Variants in EPHA6 observed in about 807,000 individuals in gnomAD.
EPHA6 encodes EPH receptor A6, also known as ephrin type-A receptor 6.
A neutral mutation model predicts 112.0 loss-of-function variants in EPHA6; 50 were observed. That is an observed-to-expected ratio of 0.45 (90% CI 0.36 to 0.56). EPHA6 has a LOEUF of 0.56. EPHA6 is among the 20% of genes least tolerant of loss of function. The probability of loss-of-function intolerance (pLI) is 0.00; values close to 1 mark genes in which losing one functional copy is unlikely to be tolerated. For missense variants in EPHA6, 1,280 were observed against 1,417.4 expected, an observed-to-expected ratio of 0.90 and a Z score of 1.56; for synonymous variants, 529 against 490.7, an observed-to-expected ratio of 1.08 and a Z score of -1.03.
At chr3:97,279,630 G>A (rs1576832638) in intron 5 of EPHA6, among the ~76,000 whole-genome samples, 1 of 152,140 alleles carries the variant, frequency 6.6e-6, no homozygotes, top group East Asian at 1.9e-4. Flanking sequence ...ACGAAGCCAA[G>A]CAGAGAATCA....
chr3:97,207,812 A>G (rs1435414468), intron 3 of EPHA6, among the ~76,000 whole-genome samples: 1 of 152,156 alleles, frequency 6.6e-6, no homozygotes, highest in African/African-American at 2.4e-5. Flanking sequence ...GGTTCATGAA[A>G]TGCTAGAACT....
chr3:97,512,324 G>A (rs2092379880), intron 10 of EPHA6, among the ~76,000 whole-genome samples: 2 of 152,140 alleles, frequency 1.3e-5, no homozygotes, highest in East Asian at 3.9e-4. Flanking sequence ...AGTTTTATTT[G>A]TAAACTTTCA....
intron 3 of EPHA6, among the ~76,000 whole-genome samples, chr3:97,043,854 A>G (rs1299474628): frequency 6.6e-6 from 1 of 152,190 alleles, no homozygotes; most frequent in Non-Finnish European, 1.5e-5. Flanking sequence ...TATTGCTACA[A>G]GTGATTGACC....
intron 16 of EPHA6, among the ~76,000 whole-genome samples, chr3:97,736,622 T>C (rs2035275635): frequency 6.6e-6 from 1 of 151,794 alleles, no homozygotes; most frequent in African/African-American, 2.4e-5. Flanking sequence ...TTCCTGCTGA[T>C]ATGATCACAT....
At chr3:97,079,301 A>T (rs1483650431) in intron 3 of EPHA6, among the ~76,000 whole-genome samples, 1 of 152,156 alleles carries the variant, frequency 6.6e-6, no homozygotes, top group Non-Finnish European at 1.5e-5. Flanking sequence ...TTTTTCAGGG[A>T]CATGGATGGA....
chr3:96,947,983 A>G (rs1446553087), intron 2 of EPHA6, among the ~76,000 whole-genome samples: 2 of 152,266 alleles, frequency 1.3e-5, no homozygotes, highest in Non-Finnish European at 2.9e-5. Context: ...GCATCACGCT[A>G]CCTGACTTGA....
At chr3:96,945,824 T>A (rs1413290776) in intron 2 of EPHA6, among the ~76,000 whole-genome samples, 1 of 152,212 alleles carries the variant, frequency 6.6e-6, no homozygotes, top group Non-Finnish European at 1.5e-5. Context: ...TCGATGAGCC[T>A]ACATTGATAC....
chr3:97,203,524 G>A (rs1005770549), intron 3 of EPHA6, among the ~76,000 whole-genome samples: 3 of 152,052 alleles, frequency 2.0e-5, no homozygotes, highest in African/African-American at 4.8e-5. Flanking sequence ...AATAGTATAG[G>A]TAGTGCAGAT....
At chr3:97,141,700 A>T (rs2075908987) in intron 3 of EPHA6, among the ~76,000 whole-genome samples, 1 of 152,014 alleles carries the variant, frequency 6.6e-6, no homozygotes, top group African/African-American at 2.4e-5. Flanking sequence ...GAAGGTTTAT[A>T]GTGTAAAATG....
chr3:97,153,631 A>AT lies in EPHA6; in HGVS notation c.1115-72624dup, dbSNP rs997674077. 1.0e-3 allele frequency among the ~76,000 whole-genome samples: 152 copies of AT among 151,544 alleles called. 1 individual carries two copies. The highest frequency in any genetic ancestry group is 2.5e-4 in the Non-Finnish European group (17 of 67,810). On this transcript the variant is annotated intron_variant, in intron 3 of 17. Coordinates refer to ENST00000389672, the MANE Select transcript of EPHA6 (RefSeq NM_001080448.3). ...GACTAAAAAAACATAGTTACCTAAC[A>AT]TTTTTTTTTCCTTAAAACTTCTGGG...
chr3:97,420,643 A>G (rs951636640), intron 6 of EPHA6, among the ~76,000 whole-genome samples: 1 of 152,134 alleles, frequency 6.6e-6, no homozygotes, highest in Non-Finnish European at 1.5e-5. Flanking sequence ...ATCATTTCAA[A>G]CATATTCAAG....
chr3:97,356,946 A>G (rs544961810), intron 5 of EPHA6, among the ~76,000 whole-genome samples: 9 of 152,168 alleles, frequency 5.9e-5, no homozygotes, highest in African/African-American at 2.2e-4. Flanking sequence ...TGATTTATAT[A>G]TTTTGATGGT....
chr3:97,287,142 G>A (rs551100000), intron 5 of EPHA6, among the ~76,000 whole-genome samples: 1 of 152,196 alleles, frequency 6.6e-6, no homozygotes, highest in South Asian at 2.1e-4. Context: ...GAGTCTTTTG[G>A]TGGAGTGTTT....
chr3:97,442,556 C>T (rs544391180), intron 6 of EPHA6, among the ~76,000 whole-genome samples: 7 of 152,088 alleles, frequency 4.6e-5, no homozygotes, highest in South Asian at 4.1e-4. Flanking sequence ...GTTGACAGGA[C>T]GAGACTCTGC....
At chr3:97,089,012 C>T (rs753899191) in intron 3 of EPHA6, among the ~76,000 whole-genome samples, 2 of 152,092 alleles carry the variant, frequency 1.3e-5, no homozygotes, top group Non-Finnish European at 2.9e-5. Context: ...GCTTTAGGGC[C>T]GGAGCAGAGT....
intron 2 of EPHA6, among the ~76,000 whole-genome samples, chr3:96,889,482 A>T (rs1575935996): frequency 6.6e-6 from 1 of 152,158 alleles, no homozygotes; most frequent in African/African-American, 2.4e-5. Context: ...GGTGGTGGCA[A>T]GAGAGAATAA....
chr3:96,912,503 A>T (rs1251176665), intron 2 of EPHA6, among the ~76,000 whole-genome samples: 1 of 152,198 alleles, frequency 6.6e-6, no homozygotes, highest in Admixed American at 6.5e-5. Context: ...AGTTTAAGAA[A>T]GCTTTCTTAG....
chr3:97,696,045 T>C (rs1335202084), intron 14 of EPHA6, among the ~76,000 whole-genome samples: 1 of 152,250 alleles, frequency 6.6e-6, no homozygotes, highest in East Asian at 1.9e-4. Flanking sequence ...ATTTTTCACA[T>C]AACTTTCTAT....
chr3:96,986,301 G>T (rs1576257022), intron 2 of EPHA6, among the ~76,000 whole-genome samples: 1 of 152,112 alleles, frequency 6.6e-6, no homozygotes, highest in Non-Finnish European at 1.5e-5. Flanking sequence ...TAAACATACA[G>T]AAGTGAAAAT....
Sources: allele counts gnomAD v4.1 joint callset (sites outside exome capture counted in the v4.1 genomes callset), GRCh38; gene constraint gnomAD v4.1.1; transcripts MANE v1.5; gene names NCBI Gene and HGNC (gene_info 2026-07-23, HGNC 2026-07-21).